Variants in SLC41A3 observed in about 807,000 individuals in gnomAD.
The protein encoded by SLC41A3 is solute carrier family 41 member 3, also known as SLC41A1-like 2.
Under a neutral mutation model 45.4 loss-of-function variants are expected in SLC41A3, and 44 were observed. The ratio of observed to expected loss-of-function variants is 0.97; its 90% CI spans 0.76 to 1.25. SLC41A3 has a LOEUF of 1.25. Ranked by LOEUF, SLC41A3 falls within the 50% of genes most tolerant of loss-of-function variation. SLC41A3 has a pLI of 0.00. For synonymous variants in SLC41A3, 256 were observed against 252.4 expected, an observed-to-expected ratio of 1.01 and a Z score of -0.13; for missense variants, 550 against 600.6, an observed-to-expected ratio of 0.92 and a Z score of 0.88.
chr3:126,096,381 GCCC>G (rs75940914), intron 1 of SLC41A3, among the ~76,000 whole-genome samples: 4 of 151,694 alleles, frequency 2.6e-5, no homozygotes, highest in Non-Finnish European at 5.9e-5. Context: ...GTTGGGAACA[GCCC>G]CCCCACCCCA....
At chr3:126,019,228 T>A (rs1201694007) in intron 6 of SLC41A3, among the ~76,000 whole-genome samples, 1 of 152,108 alleles carries the variant, frequency 6.6e-6, no homozygotes, top group Non-Finnish European at 1.5e-5. Context: ...AAGCCACCAG[T>A]CCCACTCCCA....
chr3:126,085,786 G>A (rs1026168217), upstream of SLC41A3, among the ~76,000 whole-genome samples: 7 of 148,076 alleles, frequency 4.7e-5, no homozygotes, highest in African/African-American at 1.5e-4. Context: ...CAGCCAAAAC[G>A]TGCTCCTGGG....
At chr3:126,057,276 C>T in intron 2 of SLC41A3, 1 of 525,338 alleles carries the variant, frequency 1.9e-6, no homozygotes, top group Non-Finnish European at 2.4e-6. Context: ...CCTCCATGGC[C>T]TGGAAGACTC....
At chr3:126,096,121 A>T (rs1945594830) in intron 1 of SLC41A3, among the ~76,000 whole-genome samples, 1 of 152,274 alleles carries the variant, frequency 6.6e-6, no homozygotes, top group Non-Finnish European at 1.5e-5. Context: ...CATCCCAGGC[A>T]CACCTGACCT....
intron 1 of SLC41A3, among the ~76,000 whole-genome samples, chr3:126,074,931 G>C (rs1944805616): frequency 6.6e-6 from 1 of 152,116 alleles, no homozygotes. Flanking sequence ...TCCCACCTCA[G>C]CCTCCTGAGC....
intron 8 of SLC41A3, among the ~76,000 whole-genome samples, chr3:126,013,655 G>A (rs575391862): frequency 1.4e-4 from 21 of 152,218 alleles, no homozygotes; most frequent in African/African-American, 5.1e-4. Flanking sequence ...AGACATGCCT[G>A]GGACACCTCT....
chr3:126,026,239 C>A lies in SLC41A3; in HGVS notation c.598+96G>T. The A allele has an allele frequency of 6.7e-7, 1 of 1,493,508 alleles. No homozygotes were observed. The highest frequency in any genetic ancestry group is 1.3e-5 in the South Asian group (1 of 74,492). 92.5% of individuals were successfully genotyped at this position (1,493,508 alleles called of 1,614,324 possible). A position where few individuals can be genotyped will look rare whatever the true frequency, so the allele number is the denominator to read the frequency against. On this transcript the variant is annotated intron_variant, in intron 5 of 10. Coordinates refer to ENST00000360370, the MANE Select transcript of SLC41A3 (RefSeq NM_017836.4). The surrounding 1 kb of genome is among the most constrained non-coding windows in gnomAD (Gnocchi z 4.2). ...ACCATCAGTCCCATTAGCAGTGGGA[C>A]TCACACCCCCAGAAACTGAAAACAC...
intron 1 of SLC41A3, among the ~76,000 whole-genome samples, chr3:126,080,135 T>C (rs950840500): frequency 5.3e-5 from 8 of 152,164 alleles, no homozygotes; most frequent in African/African-American, 1.9e-4. Context: ...ATTGGGGAAA[T>C]TTTGCAGGAC....
At chr3:126,063,355 A>G (rs947134028) in intron 2 of SLC41A3, among the ~76,000 whole-genome samples, 1 of 151,846 alleles carries the variant, frequency 6.6e-6, no homozygotes, top group South Asian at 2.1e-4. Context: ...CTGGCCATTC[A>G]CGGTGGGAGC....
At chr3:126,031,072 A>T (rs1941762600) in intron 4 of SLC41A3, among the ~76,000 whole-genome samples, 1 of 152,248 alleles carries the variant, frequency 6.6e-6, no homozygotes. Flanking sequence ...AAGTCACAGA[A>T]TTATGTGTGT....
chr3:126,042,433 C>T (rs533202962), intron 3 of SLC41A3, among the ~76,000 whole-genome samples: 2 of 152,254 alleles, frequency 1.3e-5, no homozygotes, highest in East Asian at 3.9e-4. Context: ...TTTCCCTACA[C>T]AGAGCCAGTC....
chr3:126,060,439 T>TACATACACACACACAC (rs1943998855), intron 2 of SLC41A3, among the ~76,000 whole-genome samples: 2 of 146,322 alleles, frequency 1.4e-5, no homozygotes, highest in African/African-American at 2.5e-5. Context: ...GTGAGAAGGA[T>TACATACACACACACAC]ACACACACAC....
intron 6 of SLC41A3, among the ~76,000 whole-genome samples, chr3:126,020,692 T>C (rs1030621924): frequency 6.6e-6 from 1 of 152,180 alleles, no homozygotes; most frequent in African/African-American, 2.4e-5. Flanking sequence ...TTAATATCAA[T>C]GCAGACTTTA....
At chr3:126,009,251 G>T (rs1254344133) in intron 9 of SLC41A3, among the ~76,000 whole-genome samples, 1 of 152,216 alleles carries the variant, frequency 6.6e-6, no homozygotes, top group Non-Finnish European at 1.5e-5. Flanking sequence ...TGAATTTGGG[G>T]GAGAGGAGTT....
chr3:126,072,523 T>G (rs1017291304), intron 1 of SLC41A3, among the ~76,000 whole-genome samples: 2 of 152,074 alleles, frequency 1.3e-5, no homozygotes, highest in Non-Finnish European at 2.9e-5. Flanking sequence ...CAACCAAAAC[T>G]AAACATAACT....
chr3:126,058,684 T>C (rs560094648), intron 2 of SLC41A3, among the ~76,000 whole-genome samples: 51 of 152,334 alleles, frequency 3.3e-4, no homozygotes, highest in African/African-American at 1.2e-3. Context: ...ACTGTGAGGA[T>C]GGCCCTTGCT....
At chr3:126,055,742 C>T (rs764621476) in intron 2 of SLC41A3, among the ~76,000 whole-genome samples, 1 of 152,226 alleles carries the variant, frequency 6.6e-6, no homozygotes. Context: ...CCAAACCATG[C>T]TAGGGGAGAA....
At chr3:126,048,858 C>T in intron 3 of SLC41A3, among the ~76,000 whole-genome samples, 1 of 152,028 alleles carries the variant, frequency 6.6e-6, no homozygotes, top group East Asian at 1.9e-4. Flanking sequence ...CGTCAAAAGT[C>T]ATTGACCTGC....
upstream of SLC41A3, among the ~76,000 whole-genome samples, chr3:126,084,928 A>G (rs1945343358): frequency 6.6e-6 from 1 of 152,230 alleles, no homozygotes; most frequent in South Asian, 2.1e-4. Flanking sequence ...CTCCTGCATT[A>G]ACATCAACAC....
Sources: gnomAD v4.1 joint callset for allele counts (sites outside exome capture counted in the v4.1 genomes callset) on GRCh38, gnomAD v4.1.1 for gene constraint, Gnocchi (gnomAD v3.1) non-coding constraint, MANE v1.5 for transcripts, NCBI Gene and HGNC (gene_info 2026-07-23, HGNC 2026-07-21) for gene names.